PTGR1: variants seen among roughly 807,000 people sequenced by gnomAD.
PTGR1 encodes 15-oxoprostaglandin 13-reductase.
PTGR1 carries 23 observed loss-of-function variants against 37.7 expected under a neutral mutation model. The observed-to-expected ratio is 0.61, with a 90% CI of 0.44 to 0.86. The LOEUF is 0.86. Among genes scored for constraint, PTGR1 ranks in the 40% least tolerant of loss-of-function variants. The pLI, the probability that PTGR1 is intolerant of heterozygous loss-of-function variation, is 0.00. For missense variants in PTGR1, 351 were observed against 394.3 expected, an observed-to-expected ratio of 0.89 and a Z score of 0.93; for synonymous variants, 134 against 140.0, an observed-to-expected ratio of 0.96 and a Z score of 0.30.
chr9:111,570,739 A>C (rs1828782407), intron 8 of PTGR1, among the ~76,000 whole-genome samples: 1 of 152,156 alleles, frequency 6.6e-6, no homozygotes, highest in South Asian at 2.1e-4. Flanking sequence ...AGATCGTGCC[A>C]CCGCACTCCA....
intron 5 of PTGR1, 132 bp downstream of exon 5, chr9:111,585,866 C>T (rs1829414042): frequency 2.0e-6 from 2 of 1,007,204 alleles, no homozygotes; most frequent in Non-Finnish European, 2.9e-6. Context: ...CTTGGTCCTG[C>T]CCTCTTCTCT....
At chr9:111,599,029 A>T (rs1829863136) in intron 1 of PTGR1, among the ~76,000 whole-genome samples, 1 of 151,972 alleles carries the variant, frequency 6.6e-6, no homozygotes, top group Non-Finnish European at 1.5e-5. Context: ...GAGTTCACAC[A>T]TCTTTGTCCC....
In PTGR1 at chr9:111,586,102, C is replaced by A; in HGVS notation, c.273G>T (p.Trp91Cys). 1 of 1,614,166 alleles carries A rather than the reference C, an allele frequency of 6.2e-7. No homozygotes were observed. Among genetic ancestry groups the A allele is most frequent in the Non-Finnish European group, 8.5e-7 (1 of 1,180,026 alleles). ...KGTIVLASPG[W>C]TTHSISDGKD... ...TCCCATCAGAAATGGAGTGCGTTGT[C>A]CAGCCTGGAGAAGCCAGTACAATAG... Residue 91 changes from tryptophan to cysteine, a missense_variant, in exon 5 of 10, where the codon TGG becomes TGT. Physicochemically the swap from Trp to Cys is radical, Grantham distance 215. Coordinates refer to ENST00000407693, the MANE Select transcript of PTGR1 (RefSeq NM_001146108.2).
downstream of PTGR1, among the ~76,000 whole-genome samples, chr9:111,558,185 G>A (rs182962006): frequency 4.6e-5 from 7 of 152,236 alleles, no homozygotes; most frequent in Admixed American, 3.9e-4. Context: ...TCCTCATCAA[G>A]TTTTCAGTGT....
intron 8 of PTGR1, among the ~76,000 whole-genome samples, chr9:111,573,998 C>A (rs769871627): frequency 6.6e-6 from 1 of 152,196 alleles, no homozygotes; most frequent in Admixed American, 6.5e-5. Context: ...GAGGCCAAGA[C>A]GCCCTACTGC....
In PTGR1 at chr9:111,563,063, G is replaced by A. The variant is rs1828379636; in HGVS notation, c.*58C>T. ...AGGTAGTATACATTTTTGCTAAATG[G>A]TGAAAAACAAATTAACTAATCATCT... On this transcript the variant is annotated 3_prime_UTR_variant, in exon 10 of 10. Transcript: ENST00000407693. 5.0e-6 allele frequency: 8 copies of A among 1,588,420 alleles called. No homozygotes were observed. In the Admixed American group the frequency reaches 9.0e-5, roughly 18 times the overall value.
At chr9:111,567,469 A>G (rs1315511479) in intron 9 of PTGR1, among the ~76,000 whole-genome samples, 5 of 152,130 alleles carry the variant, frequency 3.3e-5, no homozygotes, top group Admixed American at 6.5e-5. Context: ...ACAAGTGTGA[A>G]CCACCGTGCC....
downstream of PTGR1, among the ~76,000 whole-genome samples, chr9:111,560,636 CAAAAAAAAAA>C (rs1015199330): frequency 2.7e-4 from 7 of 26,296 alleles, no homozygotes; most frequent in African/African-American, 8.6e-4. Context: ...GACACCATCT[CAAAAAAAAAA>C]AAAAAAAAAA....
At chr9:111,579,627 G>A (rs534443638) in intron 6 of PTGR1, among the ~76,000 whole-genome samples, 3 of 152,020 alleles carry the variant, frequency 2.0e-5, no homozygotes, top group African/African-American at 7.2e-5. Context: ...CGAACTCCTA[G>A]GCTCAAGTGA....
intron 6 of PTGR1, among the ~76,000 whole-genome samples, chr9:111,580,240 C>T (rs1829238715): frequency 6.6e-6 from 1 of 152,180 alleles, no homozygotes; most frequent in African/African-American, 2.4e-5. Context: ...GATGTCCTCA[C>T]ACTTGGATGT....
chr9:111,562,276 CTT>C (rs35900341), downstream of PTGR1, among the ~76,000 whole-genome samples: 52 of 140,462 alleles, frequency 3.7e-4, no homozygotes, highest in Non-Finnish European at 4.8e-4. Context: ...AAGCAGTAAA[CTT>C]TTTTTTTTTT....
In PTGR1 at chr9:111,583,570, G is replaced by C; in HGVS notation, c.397C>G (p.Leu133Val). The C allele has an allele frequency of 6.2e-7, 1 of 1,611,192 alleles. No individual in the cohort carries two copies. ...CCCTTCACACCACAGATTTCAAGTAGGCCAAAGTAGGCAGTCAGGCTAAAG... is the reference window on the plus strand; with the variant it reads ...CCCTTCACACCACAGATTTCAAGTACGCCAAAGTAGGCAGTCAGGCTAAAG... ...GMPGLTAYFGLLEICGVKGGE... is the reference protein window; with the variant it reads ...GMPGLTAYFGVLEICGVKGGE... The change falls in exon 6 of 10, where the codon CTA (leucine) becomes GTA (valine). Residue 133 changes from leucine (L) to valine (V), a missense_variant. Transcript: ENST00000407693.
chr9:111,577,664 G>A (rs1319859646), intron 7 of PTGR1: 2 of 152,120 alleles, frequency 1.3e-5, no homozygotes, highest in Non-Finnish European at 2.9e-5. Flanking sequence ...GGGCAACATG[G>A]CGAAACCCCA....
chr9:111,562,032 C>A (rs1828339743), downstream of PTGR1, among the ~76,000 whole-genome samples: 1 of 151,882 alleles, frequency 6.6e-6, no homozygotes, highest in Non-Finnish European at 1.5e-5. Context: ...ATTACAGGCA[C>A]CCGCTACCAT....
At chr9:111,588,017 CTT>C (rs1554819756) in intron 4 of PTGR1, among the ~76,000 whole-genome samples, 1 of 140,258 alleles carries the variant, frequency 7.1e-6, no homozygotes. Flanking sequence ...ATTATTTTTT[CTT>C]TTTTTTTTTT....
intron 2 of PTGR1, among the ~76,000 whole-genome samples, chr9:111,596,926 C>A (rs1360405037): frequency 1.0e-3 from 94 of 90,592 alleles, no homozygotes; most frequent in East Asian, 3.2e-3. Flanking sequence ...GACTCTGTCT[C>A]AAAAAAAAAA....
chr9:111,597,387 G>A lies in PTGR1; in HGVS notation c.36C>T (p.His12=), dbSNP rs759274157. Reference sequence around the variant, plus strand: ...CACTATTAGTAGGATAGCCAACAAAGTGCTTCTTCAGGGTCCATGTCTTAG... The same window carrying A: ...CACTATTAGTAGGATAGCCAACAAAATGCTTCTTCAGGGTCCATGTCTTAG... ...VRTKTWTLKK[H]FVGYPTNSDF... The change falls in exon 2 of 10, where the codon CAC becomes CAT. Residue 12 remains histidine (H), a synonymous_variant. Transcript: ENST00000407693. 1.4e-5 allele frequency: 22 copies of A among 1,613,416 alleles called. No homozygotes were observed. The East Asian group carries it at 4.7e-4, about 34-fold the overall frequency.
downstream of PTGR1, among the ~76,000 whole-genome samples, chr9:111,558,789 C>G (rs113718455): frequency 6.6e-6 from 1 of 152,200 alleles, no homozygotes; most frequent in African/African-American, 2.4e-5. Flanking sequence ...CATTGAAATT[C>G]ATGAGTTCAT....
At chr9:111,561,573 TTTTAAG>T (rs977124491), downstream of PTGR1, among the ~76,000 whole-genome samples, 5 of 152,176 alleles carry the variant, frequency 3.3e-5, no homozygotes, top group Non-Finnish European at 7.3e-5. Flanking sequence ...TTCAGTAATG[TTTTAAG>T]TTTTTCTTCA....
Sources: allele counts gnomAD v4.1 joint callset (sites outside exome capture counted in the v4.1 genomes callset), GRCh38; gene constraint gnomAD v4.1.1; transcripts MANE v1.5; gene names NCBI Gene and HGNC (gene_info 2026-07-23, HGNC 2026-07-21).